Variants in SIK3 observed in about 807,000 individuals in gnomAD.
SIK3 encodes the protein SIK family kinase 3, also known as serine/threonine-protein kinase SIK3.
A neutral mutation model predicts 144.2 loss-of-function variants in SIK3; 28 were observed. The observed-to-expected ratio is 0.19, with a 90% CI of 0.14 to 0.27. The LOEUF is 0.27. Ranked by LOEUF, SIK3 falls within the 10% of genes least tolerant of loss-of-function variation. The pLI, the probability that SIK3 is intolerant of heterozygous loss-of-function variation, is 1.00. For synonymous variants in SIK3, 686 were observed against 676.3 expected, an observed-to-expected ratio of 1.01 and a Z score of -0.22; for missense variants, 1,319 against 1,776.0, an observed-to-expected ratio of 0.74 and a Z score of 4.62.
At chr11:117,066,647 C>G (rs552609741) in intron 1 of SIK3, among the ~76,000 whole-genome samples, 1 of 151,970 alleles carries the variant, frequency 6.6e-6, no homozygotes, top group South Asian at 2.1e-4. Context: ...GTGATCCCCC[C>G]ACCTTAAACT....
In SIK3 at chr11:116,858,647, G is replaced by T. The variant is rs764394906; in HGVS notation, c.2818C>A (p.Pro940Thr). ...CGGGACTGGTCCGAAAACAGATGGGGGTGTAAATGCGCCTGGTCGTAGTTA... is the reference window on the plus strand; with the variant it reads ...CGGGACTGGTCCGAAAACAGATGGGTGTGTAAATGCGCCTGGTCGTAGTTA... ...PANYDQAHLH[P>T]HLFSDQSRGS... The change falls in exon 21 of 25, where the codon CCC becomes ACC. Residue 940 changes from proline (P) to threonine (T), a missense_variant. Transcript: ENST00000445177. This position sits in a 1 kb window ranked among gnomAD's most constrained non-coding sequence, Gnocchi z 5.4. 1.1e-5 allele frequency: 17 copies of T among 1,584,674 alleles called. No individual in the cohort carries two copies. The highest frequency in any genetic ancestry group is 8.6e-7 in the Non-Finnish European group (1 of 1,165,226).
In SIK3 at chr11:116,846,047, T is replaced by G. The variant is rs1242674809; in HGVS notation, c.*13+336A>C. 6.6e-6 allele frequency among the ~76,000 whole-genome samples: 1 copy of G among 152,230 alleles called. No individual in the cohort carries two copies. Among genetic ancestry groups the G allele is most frequent in the Non-Finnish European group, 1.5e-5 (1 of 68,044 alleles). On this transcript the variant is annotated intron_variant, in intron 24 of 24. Transcript: ENST00000445177. This position sits in a 1 kb window ranked among gnomAD's most constrained non-coding sequence, Gnocchi z 4.1. ...GGACTTCCTCCTTTCCTCATTATGC[T>G]GACCGGAGGTCACCTGCATCCTCTG...
chr11:117,037,793 A>C (rs866425473), intron 1 of SIK3, among the ~76,000 whole-genome samples: 11 of 151,820 alleles, frequency 7.2e-5, no homozygotes, highest in African/African-American at 2.7e-4. Context: ...GAAGAAGAAA[A>C]ACACACACAC....
chr11:116,965,370 CA>C (rs1026580162), intron 1 of SIK3, among the ~76,000 whole-genome samples: 4 of 147,494 alleles, frequency 2.7e-5, no homozygotes, highest in African/African-American at 1.0e-4. Context: ...ATGTATTCAA[CA>C]ATTTTTTTTT....
chr11:116,882,217 A>T (rs1168267149), intron 6 of SIK3, among the ~76,000 whole-genome samples: 3 of 152,204 alleles, frequency 2.0e-5, no homozygotes, highest in African/African-American at 7.2e-5. Context: ...GGATGGATTA[A>T]TGAGGCAGGG....
Position 116,991,501 on chromosome 11 carries a change from AG to A in SIK3, c.274-34438del, listed in dbSNP as rs1950500194. Among the ~76,000 whole-genome samples the A allele has an allele frequency of 2.0e-5, 3 of 152,330 alleles. No homozygotes were observed. The South Asian group carries it at 6.2e-4, about 32-fold the overall frequency. On this transcript the variant is annotated intron_variant, in intron 1 of 24. Coordinates refer to ENST00000445177, the MANE Select transcript of SIK3 (RefSeq NM_001366686.3). ...AGAATGCTTTCTAAAAATTGAGGGA[AG>A]GGAGAGAAACAGGTATAATTTGAAC...
chr11:116,870,664 C>A (rs1943921303), intron 13 of SIK3, among the ~76,000 whole-genome samples: 1 of 152,174 alleles, frequency 6.6e-6, no homozygotes, highest in Non-Finnish European at 1.5e-5. Flanking sequence ...CTTACTGTTA[C>A]AGGATAAAAT....
At chr11:116,968,062 T>C (rs896372990) in intron 1 of SIK3, among the ~76,000 whole-genome samples, 9 of 152,378 alleles carry the variant, frequency 5.9e-5, no homozygotes, top group African/African-American at 2.2e-4. Flanking sequence ...TTTCATGTGA[T>C]GAATAGTGTA....
intron 1 of SIK3, among the ~76,000 whole-genome samples, chr11:116,963,053 G>A (rs1417286358): frequency 4.6e-5 from 7 of 152,178 alleles, no homozygotes; most frequent in African/African-American, 1.7e-4. Context: ...TTGATATTGA[G>A]AATTGCCAAC....
chr11:117,095,173 G>A (rs933686049), intron 1 of SIK3, among the ~76,000 whole-genome samples: 28 of 132,716 alleles, frequency 2.1e-4, no homozygotes. Context: ...CTTAGTTCTT[G>A]GAATGGGTCA....
At chr11:116,957,189 T>C (rs1215114411) in intron 1 of SIK3, 125 bp from the exon 2 acceptor site, 4 of 525,594 alleles carry the variant, frequency 7.6e-6, no homozygotes, top group Non-Finnish European at 1.3e-5. Flanking sequence ...GTTTACAGAA[T>C]GTCAATGAGG....
intron 1 of SIK3, among the ~76,000 whole-genome samples, chr11:116,969,949 T>G (rs567985393): frequency 6.6e-6 from 1 of 152,174 alleles, no homozygotes; most frequent in Non-Finnish European, 1.5e-5. Flanking sequence ...ACCCCTCTAA[T>G]CCTCAATGTT....
chr11:116,912,536 G>A (rs781176651), intron 4 of SIK3, among the ~76,000 whole-genome samples: 1 of 152,182 alleles, frequency 6.6e-6, no homozygotes, highest in African/African-American at 2.4e-5. Context: ...AGTGTTCTCA[G>A]TGTCTCTAAG....
chr11:117,007,337 C>T (rs754911547), intron 1 of SIK3, among the ~76,000 whole-genome samples: 78 of 152,182 alleles, frequency 5.1e-4, no homozygotes, highest in Non-Finnish European at 9.6e-4. Context: ...AAGATCACGC[C>T]ACTGCACTCC....
At position 116,857,575 on chromosome 11, in the gene SIK3, G is replaced by A. The variant is rs1943021381; in HGVS notation, c.3655+235C>T. 3 of 591,188 alleles carry A rather than the reference G, an allele frequency of 5.1e-6. No individual in the cohort carries two copies. The South Asian group carries it at 8.5e-5, about 17-fold the overall frequency. The allele number at this position is 591,188 out of a possible 1,614,324, so 36.6% of individuals were successfully genotyped here. On this transcript the variant is annotated intron_variant, in intron 21 of 24. Transcript: ENST00000445177. ...AACTGTGGTATGAATAAGGGAAATG[G>A]ATCATCTATCTTATTGACTAAGTGT...
intron 4 of SIK3, among the ~76,000 whole-genome samples, chr11:116,922,980 G>A (rs1351446968): frequency 7.6e-6 from 1 of 131,144 alleles, no homozygotes; most frequent in Non-Finnish European, 1.5e-5. Context: ...GCAATGGCGT[G>A]ATCTCAGCTC....
At chr11:117,077,957 G>A (rs1954622948) in intron 1 of SIK3, among the ~76,000 whole-genome samples, 2 of 152,182 alleles carry the variant, frequency 1.3e-5, no homozygotes, top group Non-Finnish European at 2.9e-5. Flanking sequence ...TTTCAGGAAA[G>A]TCTGAAAGTC....
intron 1 of SIK3, among the ~76,000 whole-genome samples, chr11:117,059,490 A>C (rs1953701294): frequency 6.6e-6 from 1 of 152,228 alleles, no homozygotes; most frequent in Non-Finnish European, 1.5e-5. Flanking sequence ...ACAAAGAAAG[A>C]AGCTTTCTTA....
chr11:117,098,378 GCAGCCCCGC>G lies in SIK3; in HGVS notation c.29_37del (p.Gly10_Ala12del). Reference sequence around the variant, plus strand: ...CCCGGCTCCCCCAGTCCCGGCCCCGGCAGCCCCGCCAGCTCCGCTCGCCGCCGCCGCCGC... The same window carrying G: ...CCCGGCTCCCCCAGTCCCGGCCCCGGCAGCTCCGCTCGCCGCCGCCGCCGC... On this transcript the variant is annotated inframe_deletion, in exon 1 of 25. Coordinates refer to ENST00000445177, the MANE Select transcript of SIK3 (RefSeq NM_001366686.3). 1.7e-6 allele frequency: 2 copies of G among 1,166,414 alleles called. No homozygotes were observed. Among genetic ancestry groups the G allele is most frequent in the Non-Finnish European group, 2.1e-6 (2 of 948,420 alleles). 72.3% of individuals were successfully genotyped at this position (1,166,414 alleles called of 1,614,324 possible).
Sources: allele counts gnomAD v4.1 joint callset (sites outside exome capture counted in the v4.1 genomes callset), GRCh38; gene constraint gnomAD v4.1.1; non-coding constraint Gnocchi (gnomAD v3.1); transcripts MANE v1.5; gene names NCBI Gene and HGNC (gene_info 2026-07-23, HGNC 2026-07-21).